The following PCDH9 variants were observed in gnomAD, a reference collection of about 807,000 sequenced individuals.
PCDH9 encodes the protein protocadherin 9.
PCDH9 carries 24 observed loss-of-function variants against 70.6 expected under a neutral mutation model. That is an observed-to-expected ratio of 0.34 (90% CI 0.25 to 0.48). PCDH9 has a LOEUF of 0.48. PCDH9 is among the 20% of genes least tolerant of loss of function. The probability of loss-of-function intolerance (pLI) is 0.99; values close to 1 mark genes in which losing one functional copy is unlikely to be tolerated. For synonymous variants in PCDH9, 562 were observed against 558.5 expected (o/e 1.01, Z -0.09); for missense variants, 1,281 against 1,503.6 (o/e 0.85, Z 2.45).
At chr13:66,393,495 A>G (rs1481422228) in intron 4 of PCDH9, among the ~76,000 whole-genome samples, 1 of 152,176 alleles carries the variant, frequency 6.6e-6, no homozygotes, top group African/African-American at 2.4e-5. Flanking sequence ...AACATAATGC[A>G]ATGTATGGAC....
At chr13:66,784,225 T>C (rs1239492835) in intron 3 of PCDH9, among the ~76,000 whole-genome samples, 1 of 152,134 alleles carries the variant, frequency 6.6e-6, no homozygotes, top group African/African-American at 2.4e-5. Flanking sequence ...ATATCCCTTA[T>C]ATTTAGGTAT....
At chr13:66,853,755 TC>T (rs68158837) in intron 3 of PCDH9, among the ~76,000 whole-genome samples, 16,698 of 151,872 alleles carry the variant, frequency 0.11, 1,147 homozygotes, top group Middle Eastern at 0.2. Context: ...TTTTTTTTTT[TC>T]AGGAGACAGG....
intron 4 of PCDH9, among the ~76,000 whole-genome samples, chr13:66,385,626 C>T (rs988615538): frequency 3.9e-5 from 6 of 151,976 alleles, no homozygotes; most frequent in Admixed American, 6.6e-5. Flanking sequence ...AATAGCCTCC[C>T]GGAACTTTTG....
intron 3 of PCDH9, among the ~76,000 whole-genome samples, chr13:66,860,643 A>G (rs1043944735): frequency 2.0e-5 from 3 of 152,210 alleles, no homozygotes; most frequent in African/African-American, 7.2e-5. Context: ...GGCAGCTTGA[A>G]CACGCTGAGG....
At chr13:67,192,143 A>G (rs954992821) in intron 2 of PCDH9, among the ~76,000 whole-genome samples, 2 of 152,156 alleles carry the variant, frequency 1.3e-5, no homozygotes, top group Non-Finnish European at 1.5e-5. Flanking sequence ...TATTAAAAAT[A>G]TAATACATAT....
chr13:66,950,712 C>T (rs2083165666), intron 2 of PCDH9, among the ~76,000 whole-genome samples: 1 of 152,190 alleles, frequency 6.6e-6, no homozygotes, highest in East Asian at 1.9e-4. Context: ...AAAATATCAA[C>T]TCAGCACTGC....
At chr13:66,808,043 A>G (rs866014358) in intron 3 of PCDH9, among the ~76,000 whole-genome samples, 44 of 152,188 alleles carry the variant, frequency 2.9e-4, no homozygotes, top group Non-Finnish European at 5.1e-4. Context: ...ATCTGTGCTT[A>G]GGAGTGTTTG....
At chr13:66,997,388 T>C (rs2084139311) in intron 2 of PCDH9, among the ~76,000 whole-genome samples, 1 of 152,106 alleles carries the variant, frequency 6.6e-6, no homozygotes, top group Non-Finnish European at 1.5e-5. Flanking sequence ...AACCAAATCC[T>C]ATGTGAACTC....
Position 67,225,595 on chromosome 13 carries a change from T to G in PCDH9, c.2846A>C (p.His949Pro), listed in dbSNP as rs2089837890. 8 of 1,614,130 alleles carry G rather than the reference T, an allele frequency of 5.0e-6. No individual in the cohort carries two copies. Among genetic ancestry groups the G allele is most frequent in the Non-Finnish European group, 6.8e-6 (8 of 1,180,006 alleles). The change falls in exon 2 of 5, where the codon CAT becomes CCT. Residue 949 changes from histidine (H) to proline (P), a missense_variant. By Grantham distance (77) the His-to-Pro change is moderately conservative. Around this residue, in one of 4 missense-constraint regions of PCDH9, gnomAD observed 207 missense variants for 191.8 expected, o/e 1.08. Coordinates refer to ENST00000377865, the MANE Select transcript of PCDH9 (RefSeq NM_203487.3). ...GGAAACTGGAGTGTCTGGTTTGAGA[T>G]GAAAAGCAGGCTGTGGAGAAGCAGA... ...YKSASPQPAF[H>P]LKPDTPVSVK...
intron 4 of PCDH9, among the ~76,000 whole-genome samples, chr13:66,597,663 G>A (rs1011312518): frequency 6.6e-6 from 1 of 151,618 alleles, no homozygotes; most frequent in Non-Finnish European, 1.5e-5. Context: ...TTATAACATC[G>A]TTCTTGGCAG....
chr13:66,548,332 A>C (rs944887794), intron 4 of PCDH9, among the ~76,000 whole-genome samples: 1 of 152,138 alleles, frequency 6.6e-6, no homozygotes, highest in African/African-American at 2.4e-5. Context: ...TGGGAGGCCA[A>C]GGCGGGAGGA....
intron 4 of PCDH9, among the ~76,000 whole-genome samples, chr13:66,568,122 G>A (rs1160458226): frequency 6.6e-6 from 1 of 152,110 alleles, no homozygotes; most frequent in South Asian, 2.1e-4. Flanking sequence ...GATCATGAAG[G>A]TGGGGCCCTA....
chr13:66,701,063 T>G (rs1434584948), intron 3 of PCDH9, among the ~76,000 whole-genome samples: 1 of 149,854 alleles, frequency 6.7e-6, no homozygotes, highest in African/African-American at 2.4e-5. Flanking sequence ...TTAAGTTAAG[T>G]TTTCTCTGGA....
chr13:66,875,027 T>C (rs1279626709), intron 3 of PCDH9, among the ~76,000 whole-genome samples: 1 of 151,744 alleles, frequency 6.6e-6, no homozygotes, highest in East Asian at 1.9e-4. Context: ...AATTTTGGTA[T>C]CTTTAGGGGA....
At chr13:66,350,882 T>C (rs1410932418) in intron 4 of PCDH9, among the ~76,000 whole-genome samples, 1 of 152,188 alleles carries the variant, frequency 6.6e-6, no homozygotes, top group Non-Finnish European at 1.5e-5. Context: ...TCAGGATCAT[T>C]GAGAATGCCT....
chr13:66,665,900 T>C (rs540864351), intron 3 of PCDH9, among the ~76,000 whole-genome samples: 2 of 152,052 alleles, frequency 1.3e-5, no homozygotes, highest in East Asian at 3.9e-4. Flanking sequence ...GAAATGATTT[T>C]CCAAAACCAT....
At chr13:66,557,083 T>C (rs1203359311) in intron 4 of PCDH9, among the ~76,000 whole-genome samples, 1 of 152,206 alleles carries the variant, frequency 6.6e-6, no homozygotes. Flanking sequence ...AATAAGATTA[T>C]GAAGGAGAGA....
chr13:66,917,549 C>T (rs535708734), intron 2 of PCDH9, among the ~76,000 whole-genome samples: 4 of 151,418 alleles, frequency 2.6e-5, no homozygotes, highest in Admixed American at 1.3e-4. Context: ...TGTTGACATG[C>T]TATTTGTTTT....
In PCDH9 at chr13:67,210,191, A is replaced by C. The variant is rs558269356; in HGVS notation, c.3036+15214T>G. The C allele has an allele frequency of 2.0e-5, 3 of 152,176 alleles. No homozygotes were observed. The East Asian group carries it at 5.8e-4, about 29-fold the overall frequency. 9.4% of individuals were successfully genotyped at this position (152,176 alleles called of 1,614,324 possible). ...GCAGCTACATAATGATTTTAAGTTC[A>C]TGGTTTTCCAATCAAATAATAAATG... is the stretch of plus-strand genomic sequence containing the variant. On this transcript the variant is annotated intron_variant, in intron 2 of 4. Coordinates refer to ENST00000377865, the MANE Select transcript of PCDH9 (RefSeq NM_203487.3).
Sources: gnomAD v4.1 joint callset for allele counts (sites outside exome capture counted in the v4.1 genomes callset) on GRCh38, gnomAD v4.1.1 for gene constraint, gnomAD v4.1.1 regional missense constraint, MANE v1.5 for transcripts, NCBI Gene and HGNC (gene_info 2026-07-23, HGNC 2026-07-21) for gene names.